The following PCDHA9 variants were observed in gnomAD, a reference collection of about 807,000 sequenced individuals.
PCDHA9 encodes protocadherin alpha 9.
A neutral mutation model predicts 62.0 loss-of-function variants in PCDHA9; 62 were observed. That is an observed-to-expected ratio of 1.00 (90% CI 0.81 to 1.23). The LOEUF is 1.23. Among genes scored for constraint, PCDHA9 ranks in the 50% most tolerant of loss-of-function variants. The probability of loss-of-function intolerance (pLI) is 0.00; values close to 1 mark genes in which losing one functional copy is unlikely to be tolerated. For missense variants in PCDHA9, 1,205 were observed against 1,249.8 expected (o/e 0.96, Z 0.54); for synonymous variants, 557 against 567.6 (o/e 0.98, Z 0.27).
chr5:140,856,752 A>G lies in PCDHA9; in HGVS notation c.2394+5863A>G, dbSNP rs201595428. The G allele has an allele frequency of 2.2e-5, 35 of 1,596,730 alleles. 5 individuals carry two copies. Among genetic ancestry groups the G allele is most frequent in the Non-Finnish European group, 3.4e-6 (4 of 1,166,694 alleles). On this transcript the variant is annotated intron_variant, in intron 1 of 3. Transcript: ENST00000532602. ...CTGCTGATCCTGGTGTTAGATGCCA[A>G]TGATAACGCCCCTATCTTTGACAGA...
rs1475862780 is a variant in PCDHA9 at position 140,982,724 on chromosome 5, G to T, written c.2542+161G>T. On this transcript the variant is annotated intron_variant, in intron 3 of 3. Transcript: ENST00000532602. Reference sequence around the variant, plus strand: ...ATTTCCTTACATATATGATTATTTTGATTTTATACCTAATGCTCTTCAGGA... The same window carrying T: ...ATTTCCTTACATATATGATTATTTTTATTTTATACCTAATGCTCTTCAGGA... 5.5e-6 allele frequency: 5 copies of T among 906,286 alleles called. No homozygotes were observed. The African/African-American group carries it at 9.0e-5, about 16-fold the overall frequency. The allele number at this position is 906,286 out of a possible 1,614,324, so 56.1% of individuals were successfully genotyped here.
chr5:140,914,095 C>T (rs1368870998), intron 1 of PCDHA9, among the ~76,000 whole-genome samples: 1 of 152,082 alleles, frequency 6.6e-6, no homozygotes, highest in Admixed American at 6.5e-5. Context: ...TCAATTTGTT[C>T]TATAGTGCAG....
At chr5:140,887,776 G>T (rs2061574225) in intron 1 of PCDHA9, among the ~76,000 whole-genome samples, 1 of 152,036 alleles carries the variant, frequency 6.6e-6, no homozygotes, top group Non-Finnish European at 1.5e-5. Context: ...CAATGACACA[G>T]GTCATTGAAG....
In PCDHA9 at chr5:140,850,851, A is replaced by G. The variant is rs1052562243; in HGVS notation, c.2356A>G (p.Thr786Ala). Residue 786 changes from threonine to alanine, a missense_variant, in exon 1 of 4, where the codon ACG (threonine) becomes GCG (alanine). Around this residue, in one of 3 missense-constraint regions of PCDHA9, gnomAD observed 887 missense variants for 809.5 expected, o/e 1.10. Transcript: ENST00000532602. The part of the protein sequence containing the change: ...LSPCAGSTER[T>A]GEPSASSDST... ...TCCTTGTGCTGGATCTACAGAGCGA[A>G]CGGGAGAACCCTCTGCTTCCTCAGA... The G allele has an allele frequency of 3.1e-6, 5 of 1,595,924 alleles. No homozygotes were observed. Among genetic ancestry groups the G allele is most frequent in the Non-Finnish European group, 3.4e-6 (4 of 1,165,934 alleles).
intron 1 of PCDHA9, among the ~76,000 whole-genome samples, chr5:140,907,186 C>A (rs782137829): frequency 1.3e-4 from 20 of 152,186 alleles, no homozygotes; most frequent in Non-Finnish European, 2.5e-4. Context: ...AGAGCATACA[C>A]AACCTTCTGG....
At chr5:140,862,318 A>C (rs2153223303) in intron 1 of PCDHA9, 1 of 317,904 alleles carries the variant, frequency 3.1e-6, no homozygotes, top group African/African-American at 2.2e-5. Context: ...TCATAGCCCT[A>C]ATCAGTGTAA....
intron 1 of PCDHA9, chr5:140,969,231 C>A (rs782084659): frequency 6.2e-7 from 1 of 1,614,110 alleles, no homozygotes; most frequent in Non-Finnish European, 8.5e-7. Context: ...CCTTCGGGAG[C>A]CCAAGCAGCA....
At chr5:140,863,623 T>C (rs782448471) in intron 1 of PCDHA9, 49 of 322,260 alleles carry the variant, frequency 1.5e-4, no homozygotes, top group Non-Finnish European at 1.9e-4. Context: ...CATAGTGACA[T>C]TGATAATGTT....
chr5:140,875,695 C>T (rs782520558), intron 1 of PCDHA9: 4 of 1,613,962 alleles, frequency 2.5e-6, no homozygotes, highest in East Asian at 2.2e-5. Context: ...CGGGGACCTT[C>T]TGGAGGTAAA....
chr5:140,915,785 A>T (rs188846929), intron 1 of PCDHA9, among the ~76,000 whole-genome samples: 14 of 152,134 alleles, frequency 9.2e-5, no homozygotes, highest in Admixed American at 7.2e-4. Flanking sequence ...TGCTGTAACC[A>T]CTACCTGACT....
At chr5:140,882,621 A>T (rs374336585) in intron 1 of PCDHA9, 1 of 1,614,094 alleles carries the variant, frequency 6.2e-7, no homozygotes, top group African/African-American at 1.3e-5. Context: ...CAGGTTTTCC[A>T]TGTGGAGGTG....
At chr5:140,962,759 G>A (rs1554226222) in intron 1 of PCDHA9, among the ~76,000 whole-genome samples, 1 of 152,114 alleles carries the variant, frequency 6.6e-6, no homozygotes, top group Admixed American at 6.5e-5. Flanking sequence ...AATCCTATTC[G>A]TTTTTAACAA....
chr5:140,976,841 A>G lies in PCDHA9; in HGVS notation c.2395-2108A>G, dbSNP rs145977857. Among the ~76,000 whole-genome samples the G allele has an allele frequency of 1.2e-3, 190 of 152,338 alleles. 1 individual carries two copies. Among genetic ancestry groups the G allele is most frequent in the African/African-American group, 4.3e-3 (178 of 41,578 alleles). ...GTGTCTAATGAGCAAAACAGATATA[A>G]TCCCTTTCATAGAGTTTACTGTCTG... On this transcript the variant is annotated intron_variant, in intron 1 of 3. Coordinates refer to ENST00000532602, the MANE Select transcript of PCDHA9 (RefSeq NM_031857.2).
chr5:140,935,995 C>G (rs1282709145), intron 1 of PCDHA9, among the ~76,000 whole-genome samples: 1 of 150,774 alleles, frequency 6.6e-6, no homozygotes, highest in African/African-American at 2.4e-5. Context: ...CGGGTTCAAG[C>G]GATTCTCCCA....
chr5:140,868,272 A>C (rs1050467999), intron 1 of PCDHA9: 1 of 152,090 alleles, frequency 6.6e-6, no homozygotes, highest in Non-Finnish European at 1.5e-5. Context: ...CTTTTTTAAA[A>C]CTACCAAGTT....
rs1554181471 is a variant in PCDHA9, at chr5:140,884,352, A to G, written c.2394+33463A>G. ...GTGGGTCCAGAAGCGGCGCTGGTGG[A>G]TGTCAATGTTTACTTGATCATTGCC... is the stretch of plus-strand genomic sequence containing the variant. On this transcript the variant is annotated intron_variant, in intron 1 of 3. Transcript: ENST00000532602. The G allele has an allele frequency of 2.5e-6, 4 of 1,613,710 alleles. No individual in the cohort carries two copies. The Admixed American group carries it at 5.0e-5, about 20-fold the overall frequency.
At chr5:140,917,047 G>A (rs183820401) in intron 1 of PCDHA9, among the ~76,000 whole-genome samples, 11 of 152,262 alleles carry the variant, frequency 7.2e-5, no homozygotes, top group Admixed American at 5.2e-4. Context: ...GCACAGTGTT[G>A]TTCCCTGCTA....
At chr5:140,882,909 C>A in intron 1 of PCDHA9, 2 of 1,614,172 alleles carry the variant, frequency 1.2e-6, no homozygotes, top group Non-Finnish European at 1.7e-6. Context: ...TTACTGACAG[C>A]CAGTGATGGA....
intron 1 of PCDHA9, among the ~76,000 whole-genome samples, chr5:140,941,263 T>TTC (rs2092992439): frequency 7.5e-6 from 1 of 133,334 alleles, no homozygotes; most frequent in Non-Finnish European, 1.6e-5. Flanking sequence ...TTCTCTTTCT[T>TTC]TCTTTCTTTC....
Sources: allele counts gnomAD v4.1 joint callset (sites outside exome capture counted in the v4.1 genomes callset), GRCh38; gene constraint gnomAD v4.1.1; regional missense constraint gnomAD v4.1.1; transcripts MANE v1.5; gene names NCBI Gene and HGNC (gene_info 2026-07-23, HGNC 2026-07-21).